Variants in USP25 observed in about 807,000 individuals in gnomAD.
The protein encoded by USP25 is ubiquitin specific peptidase 25.
In USP25, 85 loss-of-function variants were observed where a neutral mutation model predicts 158.5. The observed-to-expected ratio is 0.54, with a 90% CI of 0.45 to 0.64. The LOEUF (loss-of-function observed/expected upper bound fraction) is 0.64. USP25 is among the 30% of genes least tolerant of loss of function. USP25 has a pLI of 0.00. For synonymous variants in USP25, 464 were observed against 460.4 expected (o/e 1.01, Z -0.10); for missense variants, 1,242 against 1,327.3 (o/e 0.94, Z 1.00).
chr21:15,864,219 TGG>T, intron 20 of USP25, 47 bp from the exon 21 acceptor site: 1 of 1,552,874 alleles, frequency 6.4e-7, no homozygotes. Flanking sequence ...AAGGATTTTT[TGG>T]TGTTCAAATA....
In USP25 at chr21:15,751,896, CTAAT is replaced by C. The variant is rs1225444264; in HGVS notation, c.46-10990_46-10987del. Among the ~76,000 whole-genome samples the C allele has an allele frequency of 3.9e-5, 6 of 152,176 alleles. No homozygotes were observed. In the East Asian group the frequency reaches 1.2e-3, roughly 29 times the overall value. ...ACTCATGATGTATTTATTTTATCTA[CTAAT>C]TAATAGGGATGGGGAATACTCTTTT... On this transcript the variant is annotated intron_variant, in intron 1 of 25. Transcript: ENST00000400183.
rs1463863481 is a variant in USP25, at chr21:15,826,809, A to G, written c.1467-168A>G. 1.3e-5 allele frequency among the ~76,000 whole-genome samples: 2 copies of G among 152,218 alleles called. No individual in the cohort carries two copies. The highest frequency in any genetic ancestry group is 2.9e-5 in the Non-Finnish European group (2 of 68,026). ...CTACAACTTCATCTTATAATAATTT[A>G]GTTCTTATGTATTAAAAATCTCATT... On this transcript the variant is annotated intron_variant, in intron 13 of 25. Transcript: ENST00000400183. The surrounding 1 kb of genome is among the most constrained non-coding windows in gnomAD (Gnocchi z 4.8).
chr21:15,744,054 A>T (rs2032309128), intron 1 of USP25: 1 of 155,408 alleles, frequency 6.4e-6, no homozygotes, highest in South Asian at 2.0e-4. Context: ...GGAGGAGAGC[A>T]CCAGTGTACC....
chr21:15,844,927 A>G (rs941931759), intron 18 of USP25, among the ~76,000 whole-genome samples: 1 of 152,142 alleles, frequency 6.6e-6, no homozygotes, highest in Non-Finnish European at 1.5e-5. Flanking sequence ...GTATTATTCC[A>G]TTGAATAATT....
chr21:15,778,020 A>G lies in USP25; in HGVS notation c.385A>G (p.Ile129Val). ...ETGITDEEQA[I>V]SRVLEASIAE... ...TGGAATAACTGATGAGGAACAAGCCATTAGCAGGTAAAAACATAATTTGTA... is the reference window on the plus strand; with the variant it reads ...TGGAATAACTGATGAGGAACAAGCCGTTAGCAGGTAAAAACATAATTTGTA... The change falls in exon 4 of 26, where the codon ATT becomes GTT. Residue 129 changes from isoleucine (I) to valine (V), a missense_variant. Transcript: ENST00000400183. The G allele has an allele frequency of 1.3e-6, 2 of 1,597,256 alleles. No homozygotes were observed. Among genetic ancestry groups the G allele is most frequent in the Non-Finnish European group, 8.5e-7 (1 of 1,175,102 alleles).
In USP25 at chr21:15,825,013, T is replaced by A. The variant is rs145628335; in HGVS notation, c.1256T>A (p.Ile419Asn). ...ATAACAAGAATTAAGAGGGAAGAGA[T>A]CAAGAGACTGAAAGATTACCTCACG... ...REITRIKREE[I>N]KRLKDYLTVL... is the part of the protein sequence containing the mutation. The change falls in exon 12 of 26, where the codon ATC becomes AAC. Residue 419 changes from isoleucine to asparagine, a missense_variant. Ile to Asn is a moderately radical substitution (Grantham distance 149). Around this residue, in one of 3 missense-constraint regions of USP25, gnomAD observed 627 missense variants for 701.4 expected, o/e 0.89. Transcript: ENST00000400183. The A allele has an allele frequency of 6.2e-7, 1 of 1,612,002 alleles. No homozygotes were observed. Among genetic ancestry groups the A allele is most frequent in the Non-Finnish European group, 8.5e-7 (1 of 1,179,276 alleles).
Position 15,730,390 on chromosome 21 carries a change from G to T in USP25, c.-4G>T, listed in dbSNP as rs987833271. 8 of 1,299,674 alleles carry T rather than the reference G, an allele frequency of 6.2e-6. No individual in the cohort carries two copies. The highest frequency in any genetic ancestry group is 7.9e-6 in the Non-Finnish European group (8 of 1,017,892). The allele number at this position is 1,299,674 out of a possible 1,614,324, so 80.5% of individuals were successfully genotyped here. A position where few individuals can be genotyped will look rare whatever the true frequency, so the allele number is the denominator to read the frequency against. On this transcript the variant is annotated 5_prime_UTR_variant, in exon 1 of 26. Transcript: ENST00000400183. ...CCGCCGCCGCCGCCGCCGCCGCGGGGGCCATGACCGTGGAGCAGAACGTGC... is the reference window on the plus strand; with the variant it reads ...CCGCCGCCGCCGCCGCCGCCGCGGGTGCCATGACCGTGGAGCAGAACGTGC...
At chr21:15,778,633 C>T (rs892192591) in intron 4 of USP25, among the ~76,000 whole-genome samples, 1 of 152,062 alleles carries the variant, frequency 6.6e-6, no homozygotes, top group Non-Finnish European at 1.5e-5. Flanking sequence ...TGCTAGAATG[C>T]AGTTTTTCAT....
At chr21:15,787,653 A>G (rs904240063) in intron 4 of USP25, among the ~76,000 whole-genome samples, 1 of 152,084 alleles carries the variant, frequency 6.6e-6, no homozygotes, top group African/African-American at 2.4e-5. Flanking sequence ...GTTTAGTTTG[A>G]TCCCAATTAA....
chr21:15,776,660 G>A (rs928886888), intron 3 of USP25, among the ~76,000 whole-genome samples: 3 of 151,486 alleles, frequency 2.0e-5, no homozygotes, highest in South Asian at 4.2e-4. Context: ...TGGGCAAGAC[G>A]CAAAACCTTG....
In USP25 at chr21:15,776,015, C is replaced by A. The variant is rs1214885626; in HGVS notation, c.269-1889C>A. 2.6e-5 allele frequency among the ~76,000 whole-genome samples: 4 copies of A among 152,068 alleles called. No individual in the cohort carries two copies. The South Asian group carries it at 8.3e-4, about 32-fold the overall frequency. ...TTTTTTCCACTTTTCATTATCCTTTCTCTACTTAGACCTAAGTTCTAGCCA... is the reference window on the plus strand; with the variant it reads ...TTTTTTCCACTTTTCATTATCCTTTATCTACTTAGACCTAAGTTCTAGCCA... On this transcript the variant is annotated intron_variant, in intron 3 of 25. Coordinates refer to ENST00000400183, the MANE Select transcript of USP25 (RefSeq NM_001283041.3).
chr21:15,837,661 A>G (rs2038120039), intron 17 of USP25, among the ~76,000 whole-genome samples: 2 of 152,138 alleles, frequency 1.3e-5, no homozygotes. Flanking sequence ...TGTCTTATCC[A>G]AGAAGTATCT....
At chr21:15,786,569 A>G (rs2035288151) in intron 4 of USP25, among the ~76,000 whole-genome samples, 1 of 152,174 alleles carries the variant, frequency 6.6e-6, no homozygotes, top group Non-Finnish European at 1.5e-5. Flanking sequence ...TACAAAGTTT[A>G]ACATCCCTTC....
rs367775823 is a variant in USP25 at position 15,824,915 on chromosome 21, C to T, written c.1209-51C>T. On this transcript the variant is annotated intron_variant, in intron 11 of 25. Coordinates refer to ENST00000400183, the MANE Select transcript of USP25 (RefSeq NM_001283041.3). ...GGTACGCTGGCATCTGGCCATATTG[C>T]ATCTACTTTCATGATATTCGGAAAT... 7.6e-6 allele frequency: 11 copies of T among 1,451,134 alleles called. No homozygotes were observed. In the African/African-American group the frequency reaches 1.3e-4, roughly 17 times the overall value. 89.9% of individuals were successfully genotyped at this position (1,451,134 alleles called of 1,614,324 possible). A position where few individuals can be genotyped will look rare whatever the true frequency, so the allele number is the denominator to read the frequency against.
intron 22 of USP25, among the ~76,000 whole-genome samples, chr21:15,867,920 T>C (rs2039726891): frequency 2.0e-5 from 3 of 152,142 alleles, no homozygotes; most frequent in Non-Finnish European, 2.9e-5. Flanking sequence ...TATATAGATA[T>C]CACTTTTCCC....
chr21:15,773,346 T>A (rs1484965845), intron 3 of USP25: 1 of 152,578 alleles, frequency 6.6e-6, no homozygotes, highest in Non-Finnish European at 1.5e-5. Context: ...GCTGGCCAAG[T>A]TGGGGGCGGG....
At chr21:15,835,452 CTG>C (rs2038018722) in intron 17 of USP25, among the ~76,000 whole-genome samples, 1 of 152,114 alleles carries the variant, frequency 6.6e-6, no homozygotes, top group South Asian at 2.1e-4. Flanking sequence ...TTTTCTTTCT[CTG>C]TGAAAAGACC....
chr21:15,805,938 G>A (rs2036365506), intron 7 of USP25, among the ~76,000 whole-genome samples: 1 of 152,166 alleles, frequency 6.6e-6, no homozygotes, highest in African/African-American at 2.4e-5. Context: ...ACTTGGATGT[G>A]TCTCTGTTTT....
chr21:15,843,012 A>G lies in USP25; in HGVS notation c.2337+472A>G, dbSNP rs1311066532. Among the ~76,000 whole-genome samples, 3 of 152,090 alleles carry G rather than the reference A, an allele frequency of 2.0e-5. No individual in the cohort carries two copies. Among genetic ancestry groups the G allele is most frequent in the Non-Finnish European group, 4.4e-5 (3 of 68,002 alleles). ...AAAACTACTAGATACTGTAGATTAGAGTATTATTAGAAGGATAAGTAGGAT... is the reference window on the plus strand; with the variant it reads ...AAAACTACTAGATACTGTAGATTAGGGTATTATTAGAAGGATAAGTAGGAT... On this transcript the variant is annotated intron_variant, in intron 18 of 25. Coordinates refer to ENST00000400183, the MANE Select transcript of USP25 (RefSeq NM_001283041.3). This position sits in a 1 kb window ranked among gnomAD's most constrained non-coding sequence, Gnocchi z 4.0.
Sources: allele counts gnomAD v4.1 joint callset (sites outside exome capture counted in the v4.1 genomes callset), GRCh38; gene constraint gnomAD v4.1.1; regional missense constraint gnomAD v4.1.1; non-coding constraint Gnocchi (gnomAD v3.1); transcripts MANE v1.5; gene names NCBI Gene and HGNC (gene_info 2026-07-23, HGNC 2026-07-21).